Variants in MAOA observed in about 807,000 individuals in gnomAD.
The protein encoded by MAOA is amine oxidase [flavin-containing] A.
Under a neutral mutation model 42.0 loss-of-function variants are expected in MAOA, and 6 were observed. The ratio of observed to expected loss-of-function variants is 0.14; its 90% CI spans 0.08 to 0.28. The LOEUF is 0.28. Ranked by LOEUF, MAOA falls within the 10% of genes least tolerant of loss-of-function variation. The pLI is 1.00. For missense variants in MAOA, 262 were observed against 422.3 expected (o/e 0.62, Z 3.33); for synonymous variants, 140 against 154.0 (o/e 0.91, Z 0.67).
intron 1 of MAOA, among the ~76,000 whole-genome samples, chrX:43,663,387 G>T (rs1344204179): frequency 9.0e-6 from 1 of 111,582 alleles, no homozygotes; most frequent in Non-Finnish European, 1.9e-5. Context: ...AGAGTGTTAA[G>T]AACATAAAAA....
At chrX:43,703,290 A>C (rs1395369214) in intron 3 of MAOA, among the ~76,000 whole-genome samples, 1 of 111,642 alleles carries the variant, frequency 9.0e-6, no homozygotes, top group Non-Finnish European at 1.9e-5. Context: ...AGCTGACAAG[A>C]AGTTCTGCTT....
intron 1 of MAOA, among the ~76,000 whole-genome samples, chrX:43,674,180 G>T (rs1421152567): frequency 1.8e-5 from 2 of 110,876 alleles, no homozygotes; most frequent in African/African-American, 6.5e-5. Flanking sequence ...TTGTTGAATT[G>T]ATCCCTTTAC....
chrX:43,698,995 G>A (rs1405498631), intron 3 of MAOA, among the ~76,000 whole-genome samples: 4 of 111,277 alleles, frequency 3.6e-5, no homozygotes, highest in East Asian at 2.8e-4. Flanking sequence ...TCTCTTTATC[G>A]GTTGCACATG....
intron 1 of MAOA, among the ~76,000 whole-genome samples, chrX:43,671,623 G>A (rs2033336205): frequency 9.9e-6 from 1 of 101,360 alleles, no homozygotes; most frequent in African/African-American, 3.6e-5. Context: ...TTTTGTATAA[G>A]GTGTAAGGAA....
chrX:43,733,745 T>C (rs1202068395), intron 9 of MAOA, among the ~76,000 whole-genome samples: 1 of 111,250 alleles, frequency 9.0e-6, no homozygotes, highest in African/African-American at 3.3e-5. Flanking sequence ...TGAAGGAAAA[T>C]TACAAAGGCA....
chrX:43,730,194 C>CAAAAAAA (rs1219771036), intron 6 of MAOA, among the ~76,000 whole-genome samples: 1 of 38,125 alleles, frequency 2.6e-5, no homozygotes, highest in Non-Finnish European at 4.9e-5. Context: ...AACTCCGTCT[C>CAAAAAAA]AAAAAAAAAA....
At position 43,706,879 on chromosome X, in the gene MAOA, T is replaced by C. The variant is rs916509014; in HGVS notation, c.307-4993T>C. Among the ~76,000 whole-genome samples the C allele has an allele frequency of 4.5e-5, 5 of 111,477 alleles. No homozygotes were observed. The South Asian group carries it at 1.1e-3, about 25-fold the overall frequency. On this transcript the variant is annotated intron_variant, in intron 3 of 14. Coordinates refer to ENST00000338702, the MANE Select transcript of MAOA (RefSeq NM_000240.4). ...CATTTATATCTGAGTTTAATGGTTC[T>C]ATTTTTCCAGAGATAGGACTACACA...
At chrX:43,733,456 A>G (rs1336494835) in intron 9 of MAOA, among the ~76,000 whole-genome samples, 6 of 111,601 alleles carry the variant, frequency 5.4e-5, no homozygotes, top group African/African-American at 2.0e-4. Flanking sequence ...ATTCCGGCAC[A>G]TAGCTGTCCT....
chrX:43,686,138 A>C (rs1373964708), intron 2 of MAOA, among the ~76,000 whole-genome samples: 1 of 112,313 alleles, frequency 8.9e-6, no homozygotes, highest in African/African-American at 3.2e-5. Context: ...TTTCTGAAAA[A>C]TATTCCTCCA....
chrX:43,656,874 C>T (rs1305580043), intron 1 of MAOA, among the ~76,000 whole-genome samples: 1 of 109,621 alleles, frequency 9.1e-6, no homozygotes, highest in African/African-American at 3.3e-5. Flanking sequence ...GAGGTGGCTG[C>T]TTTGCCTCAC....
chrX:43,737,223 T>C (rs894289658), intron 10 of MAOA, among the ~76,000 whole-genome samples: 2 of 110,620 alleles, frequency 1.8e-5, no homozygotes, highest in African/African-American at 6.6e-5. Flanking sequence ...TCAACAATCA[T>C]GGGATTCAAA....
At chrX:43,688,594 G>A (rs2033507854) in intron 2 of MAOA, among the ~76,000 whole-genome samples, 1 of 111,979 alleles carries the variant, frequency 8.9e-6, no homozygotes, top group Admixed American at 9.5e-5. Context: ...AATCCTTGAG[G>A]CTCGCTTTAT....
intron 1 of MAOA, among the ~76,000 whole-genome samples, chrX:43,663,181 T>C (rs1166579033): frequency 1.8e-5 from 2 of 111,453 alleles, no homozygotes; most frequent in African/African-American, 3.3e-5. Context: ...TTCTATGCTT[T>C]ATTCTGGGAA....
chrX:43,693,376 G>A lies in MAOA; in HGVS notation c.254G>A (p.Gly85Asp). 1 of 1,210,740 alleles carries A rather than the reference G, an allele frequency of 8.3e-7. No homozygotes were observed. Among genetic ancestry groups the A allele is most frequent in the Non-Finnish European group, 1.1e-6 (1 of 894,529 alleles). Residue 85 changes from glycine to aspartate, a missense_variant, in exon 3 of 15, where the codon GGC (glycine) becomes GAC (aspartate). Physicochemically the swap from Gly to Asp is moderately conservative, Grantham distance 94. Around this residue, in one of 3 missense-constraint regions of MAOA, gnomAD observed 141 missense variants for 195.6 expected, o/e 0.72. Coordinates refer to ENST00000338702, the MANE Select transcript of MAOA (RefSeq NM_000240.4). ...NRILRLSKEL[G>D]IETYKVNVSE... ...ATCTTACGCTTGTCTAAGGAGCTGGGCATAGAGACTTACAAAGTGAATGTC... is the reference window on the plus strand; with the variant it reads ...ATCTTACGCTTGTCTAAGGAGCTGGACATAGAGACTTACAAAGTGAATGTC...
At chrX:43,702,659 C>A (rs1248446567) in intron 3 of MAOA, among the ~76,000 whole-genome samples, 2 of 111,825 alleles carry the variant, frequency 1.8e-5, no homozygotes, top group African/African-American at 6.5e-5. Context: ...GAAACTGAAT[C>A]GTTTTCATTC....
At chrX:43,687,508 C>G (rs1480489826) in intron 2 of MAOA, among the ~76,000 whole-genome samples, 1 of 111,667 alleles carries the variant, frequency 9.0e-6, no homozygotes, top group Non-Finnish European at 1.9e-5. Flanking sequence ...CTGATGGTTA[C>G]TAAAAGAGAG....
At chrX:43,736,031 G>A (rs1416105642) in intron 9 of MAOA, among the ~76,000 whole-genome samples, 196 bp from the exon 10 acceptor site, 2 of 112,137 alleles carry the variant, frequency 1.8e-5, no homozygotes, top group Middle Eastern at 4.6e-3. Context: ...GTCGTGTAGG[G>A]GATCACAGCC....
chrX:43,729,144 G>A (rs1336422020), intron 6 of MAOA, among the ~76,000 whole-genome samples: 7 of 112,191 alleles, frequency 6.2e-5, no homozygotes, highest in South Asian at 3.7e-4. Context: ...GGAGATCACC[G>A]GAAATCCCCA....
chrX:43,737,280 C>T (rs751894547), intron 10 of MAOA, among the ~76,000 whole-genome samples: 3 of 111,210 alleles, frequency 2.7e-5, no homozygotes, highest in Admixed American at 9.5e-5. Context: ...ATAAACTCTA[C>T]TCACTCAATG....
Sources: allele counts gnomAD v4.1 joint callset (sites outside exome capture counted in the v4.1 genomes callset), GRCh38; gene constraint gnomAD v4.1.1; regional missense constraint gnomAD v4.1.1; transcripts MANE v1.5; gene names NCBI Gene and HGNC (gene_info 2026-07-23, HGNC 2026-07-21).